The following ZNF782 variants were observed in gnomAD, a reference collection of about 807,000 sequenced individuals.
The protein encoded by ZNF782 is zinc finger protein 782.
In ZNF782, 12 loss-of-function variants were observed where a neutral mutation model predicts 13.0. That is an observed-to-expected ratio of 0.92 (90% CI 0.59 to 1.50). The LOEUF (loss-of-function observed/expected upper bound fraction) is 1.50, where lower values mean the gene tolerates loss of function less well. Among genes scored for constraint, ZNF782 ranks in the 40% most tolerant of loss-of-function variants. The pLI is 0.00. For synonymous variants in ZNF782, 284 were observed against 283.0 expected, an observed-to-expected ratio of 1.00 and a Z score of -0.04; for missense variants, 770 against 822.9, an observed-to-expected ratio of 0.94 and a Z score of 0.79.
chr9:96,829,516 G>A (rs1002082725), intron 4 of ZNF782, among the ~76,000 whole-genome samples: 1 of 152,104 alleles, frequency 6.6e-6, no homozygotes, highest in Non-Finnish European at 1.5e-5. Flanking sequence ...ATCCACAATT[G>A]TAGCTGGACA....
In ZNF782 at chr9:96,818,718, T is replaced by C. The variant is rs551159129; in HGVS notation, c.1305A>G (p.Ser435=). Residue 435 remains serine (S), a synonymous_variant, in exon 6 of 6, where the codon TCA becomes TCG. Transcript: ENST00000481138. ...GGGTTCTCTGGTGTATTCTTAGGCC[T>C]GACTTTGCACTGAAAGCTTTATCAC... ...DGCDKAFSAK[S]GLRIHQRTHT... The C allele has an allele frequency of 6.2e-7, 1 of 1,614,232 alleles. No homozygotes were observed. Among genetic ancestry groups the C allele is most frequent in the Non-Finnish European group, 8.5e-7 (1 of 1,180,028 alleles).
upstream of ZNF782, among the ~76,000 whole-genome samples, chr9:96,855,407 C>A (rs916253279): frequency 2.0e-5 from 3 of 152,184 alleles, no homozygotes; most frequent in African/African-American, 7.2e-5. Context: ...TGCCCCGCTG[C>A]CCTCCGCCAT....
chr9:96,893,074 G>C, the ZNF782 span: 2 of 152,042 alleles, frequency 1.3e-5, no homozygotes, highest in East Asian at 3.9e-4. Flanking sequence ...GTCAAACTTT[G>C]GCTATAAAAT....
In ZNF782 at chr9:96,817,196, A is replaced by AT. The variant is rs927031138; in HGVS notation, c.*726dup. 1 of 152,184 alleles carries AT rather than the reference A, an allele frequency of 6.6e-6. No homozygotes were observed. Among genetic ancestry groups the AT allele is most frequent in the African/African-American group, 2.4e-5 (1 of 41,432 alleles). 9.4% of individuals were successfully genotyped at this position (152,184 alleles called of 1,614,324 possible). ...AAAATATTGAGAATTTGACTGATGT[A>AT]TTTAAGACCTGTCACTGACCCCATA... On this transcript the variant is annotated 3_prime_UTR_variant, in exon 6 of 6. Coordinates refer to ENST00000481138, the MANE Select transcript of ZNF782 (RefSeq NM_001001662.3).
At chr9:96,857,672 C>G (rs150668930), upstream of ZNF782, among the ~76,000 whole-genome samples, 20 of 152,302 alleles carry the variant, frequency 1.3e-4, no homozygotes, top group Non-Finnish European at 2.1e-4. Flanking sequence ...TGCAGGCTCT[C>G]TGAGAACATT....
chr9:96,921,122 C>T, the ZNF782 span, among the ~76,000 whole-genome samples: 4 of 145,892 alleles, frequency 2.7e-5, no homozygotes, highest in African/African-American at 7.7e-5. Flanking sequence ...TGGCCTTTAT[C>T]CTACAAAAAC....
chr9:96,848,589 C>T (rs937539747), intron 3 of ZNF782, among the ~76,000 whole-genome samples: 4 of 151,882 alleles, frequency 2.6e-5, no homozygotes, highest in South Asian at 2.1e-4. Context: ...AACACCACCA[C>T]CACCAAAAAA....
At chr9:96,853,805 G>C (rs1480690715) in intron 1 of ZNF782, among the ~76,000 whole-genome samples, 3 of 152,178 alleles carry the variant, frequency 2.0e-5, no homozygotes, top group African/African-American at 7.2e-5. Flanking sequence ...CTCACTGCTA[G>C]CTTGTGACCT....
the ZNF782 span, chr9:96,931,617 T>C: frequency 5.1e-6 from 6 of 1,180,884 alleles, no homozygotes; most frequent in Non-Finnish European, 7.2e-6. Context: ...AGCTGCAGAG[T>C]TTCCCTGTCA....
At chr9:96,833,848 C>T (rs1159369063) in intron 4 of ZNF782, among the ~76,000 whole-genome samples, 8 of 152,046 alleles carry the variant, frequency 5.3e-5, no homozygotes, top group Admixed American at 2.0e-4. Context: ...TATGGACTCA[C>T]GAGTTTTTCA....
intron 1 of ZNF782, among the ~76,000 whole-genome samples, chr9:96,869,823 C>A (rs1851803598): frequency 6.6e-6 from 1 of 152,116 alleles, no homozygotes; most frequent in African/African-American, 2.4e-5. Context: ...CAATGCAGTC[C>A]AGCACATACC....
chr9:96,880,223 A>C (rs537626180), upstream of ZNF782, among the ~76,000 whole-genome samples: 2 of 151,908 alleles, frequency 1.3e-5, no homozygotes, highest in African/African-American at 4.8e-5. Context: ...ACAACCATGC[A>C]ATCTGCAAAT....
the ZNF782 span, among the ~76,000 whole-genome samples, chr9:96,885,203 C>T: frequency 6.6e-6 from 1 of 152,002 alleles, no homozygotes; most frequent in South Asian, 2.1e-4. Context: ...TATTATCTAA[C>T]AAGGGTTTTC....
the ZNF782 span, among the ~76,000 whole-genome samples, chr9:96,924,796 C>T: frequency 0.021 from 3,145 of 152,282 alleles, 178 homozygotes; most frequent in East Asian, 0.24. Flanking sequence ...GCAGCACGGC[C>T]GAGACAAACT....
At chr9:96,882,804 C>T in the ZNF782 span, among the ~76,000 whole-genome samples, 1 of 152,298 alleles carries the variant, frequency 6.6e-6, no homozygotes, top group Non-Finnish European at 1.5e-5. Flanking sequence ...TACATCTTGT[C>T]CTTGGACACT....
At chr9:96,902,064 G>A in the ZNF782 span, among the ~76,000 whole-genome samples, 2 of 152,032 alleles carry the variant, frequency 1.3e-5, no homozygotes, top group Non-Finnish European at 2.9e-5. Flanking sequence ...GGTTCTCAAA[G>A]TGTGGCACAG....
intron 4 of ZNF782, among the ~76,000 whole-genome samples, chr9:96,839,427 T>A (rs574326233): frequency 6.6e-5 from 10 of 152,208 alleles, no homozygotes; most frequent in Admixed American, 2.0e-4. Flanking sequence ...AGTCTTCTTA[T>A]GTGTTTTGTA....
the ZNF782 span, chr9:96,895,711 G>C: frequency 6.6e-6 from 1 of 152,162 alleles, no homozygotes; most frequent in African/African-American, 2.4e-5. Context: ...GTGAGAGTAG[G>C]GGCTTAGGGA....
At chr9:96,910,879 A>G in the ZNF782 span, among the ~76,000 whole-genome samples, 2 of 149,992 alleles carry the variant, frequency 1.3e-5, no homozygotes, top group African/African-American at 2.4e-5. Context: ...CTCGTGATCC[A>G]CCCACCTCGG....
Sources: gnomAD v4.1 joint callset for allele counts (sites outside exome capture counted in the v4.1 genomes callset) on GRCh38, gnomAD v4.1.1 for gene constraint, MANE v1.5 for transcripts, NCBI Gene and HGNC (gene_info 2026-07-23, HGNC 2026-07-21) for gene names.